EPG5: variants seen among roughly 807,000 people sequenced by gnomAD.
The protein encoded by EPG5 is ectopic P granules protein 5 homolog.
EPG5 carries 159 observed loss-of-function variants against 302.7 expected under a neutral mutation model. The observed-to-expected ratio is 0.53, with a 90% CI of 0.46 to 0.60. The LOEUF is 0.60. Among genes scored for constraint, EPG5 ranks in the 20% least tolerant of loss-of-function variants. The pLI, the probability that EPG5 is intolerant of heterozygous loss-of-function variation, is 0.00. For missense variants in EPG5, 2,896 were observed against 3,092.4 expected (o/e 0.94, Z 1.51); for synonymous variants, 1,158 against 1,136.8 (o/e 1.02, Z -0.37).
intron 8 of EPG5, 130 bp downstream of exon 8, chr18:45,943,875 C>G (rs1276065287): frequency 3.4e-6 from 2 of 594,038 alleles, no homozygotes; most frequent in African/African-American, 1.9e-5. Flanking sequence ...GAGCCGAGAT[C>G]GCGCCACTGC....
At chr18:45,876,440 C>T (rs1452587151) in intron 34 of EPG5, 98 bp from the exon 35 acceptor site, 1 of 877,478 alleles carries the variant, frequency 1.1e-6, no homozygotes, top group Non-Finnish European at 1.9e-6. Flanking sequence ...GAAGCCTGTC[C>T]ATTATGTAGG....
chr18:45,943,510 G>A lies in EPG5; in HGVS notation c.1793-199C>T, dbSNP rs1446685029. ...GCCAAATTAAAAACAATTTATTTAA[G>A]TTGGGAATGTGCAAGCTAGCTAGCT... On this transcript the variant is annotated intron_variant, in intron 8 of 43. Coordinates refer to ENST00000282041, the MANE Select transcript of EPG5 (RefSeq NM_020964.3). 1.3e-5 allele frequency among the ~76,000 whole-genome samples: 2 copies of A among 152,142 alleles called. 1 individual carries two copies. The highest frequency in any genetic ancestry group is 4.1e-4 in the South Asian group (2 of 4,830).
intron 33 of EPG5, 128 bp from the exon 34 acceptor site, chr18:45,878,576 C>A (rs2049021514): frequency 3.1e-6 from 2 of 636,306 alleles, no homozygotes. Context: ...GTATAAACAA[C>A]ATGCTTAGTG....
chr18:45,877,412 C>T (rs2048997084), intron 34 of EPG5, among the ~76,000 whole-genome samples: 2 of 152,012 alleles, frequency 1.3e-5, no homozygotes, highest in Admixed American at 1.3e-4. Flanking sequence ...GAGTGAGACT[C>T]TGTCTTAAAA....
At chr18:45,842,005 C>T in the EPG5 span, 1 of 1,101,610 alleles carries the variant, frequency 9.1e-7, no homozygotes, top group Non-Finnish European at 1.4e-6. Context: ...GCACTGCTCC[C>T]CAGAATGTCT....
the EPG5 span, among the ~76,000 whole-genome samples, chr18:45,827,080 A>C: frequency 3.3e-5 from 5 of 152,098 alleles, no homozygotes; most frequent in African/African-American, 1.2e-4. Context: ...ACGCCCAGCT[A>C]ATTTTTTAAA....
chr18:45,903,240 C>A (rs1195975584), intron 25 of EPG5, among the ~76,000 whole-genome samples: 1 of 151,782 alleles, frequency 6.6e-6, no homozygotes, highest in Admixed American at 6.6e-5. Flanking sequence ...TAATATATAT[C>A]TTTTATAATC....
rs1472685054 is a variant in EPG5, at chr18:45,889,806, G to A, written c.4944C>T (p.Asn1648=). The change falls in exon 28 of 44, where the codon AAC becomes AAT. Residue 1648 remains asparagine, a synonymous_variant. Coordinates refer to ENST00000282041, the MANE Select transcript of EPG5 (RefSeq NM_020964.3). ...ATGCCTGCAAAACTTACGTGATCAAGTTTTCTGCATGTACAGCAGCTTCCA... is the reference window on the plus strand; with the variant it reads ...ATGCCTGCAAAACTTACGTGATCAAATTTTCTGCATGTACAGCAGCTTCCA... The part of the protein sequence containing the change: ...NIVEAAVHAE[N]LITALVNAYK... 6.3e-7 allele frequency: 1 copy of A among 1,599,370 alleles called. No homozygotes were observed. The highest frequency in any genetic ancestry group is 1.3e-5 in the African/African-American group (1 of 74,324).
chr18:45,897,843 T>C (rs553030983), intron 27 of EPG5, among the ~76,000 whole-genome samples: 26 of 152,242 alleles, frequency 1.7e-4, no homozygotes, highest in Middle Eastern at 3.4e-3. Flanking sequence ...GATGGAGACA[T>C]TGGAATAGTT....
intron 27 of EPG5, among the ~76,000 whole-genome samples, chr18:45,891,739 A>G (rs776021270): frequency 6.6e-6 from 1 of 152,236 alleles, no homozygotes; most frequent in Non-Finnish European, 1.5e-5. Context: ...ATTCTAGAAC[A>G]TATAATGTTA....
At chr18:45,842,423 CTG>C in the EPG5 span, 25,397 of 430,016 alleles carry the variant, frequency 0.059, 608 homozygotes, top group African/African-American at 0.16. Context: ...GTGCATACGT[CTG>C]TGTGTGTGTG....
At chr18:45,803,507 G>T in the EPG5 span, among the ~76,000 whole-genome samples, 1 of 152,154 alleles carries the variant, frequency 6.6e-6, no homozygotes, top group Non-Finnish European at 1.5e-5. Flanking sequence ...GTCCTGAGGG[G>T]CAGCTAAAAC....
At chr18:45,953,280 A>G (rs1311063897) in intron 2 of EPG5, 2 of 984,302 alleles carry the variant, frequency 2.0e-6, no homozygotes, top group African/African-American at 3.5e-5. Context: ...TATGAAGCCA[A>G]TGTGATATCT....
the EPG5 span, among the ~76,000 whole-genome samples, chr18:45,820,755 T>C: frequency 6.6e-6 from 1 of 152,152 alleles, no homozygotes; most frequent in East Asian, 1.9e-4. Context: ...AACCCTTCCT[T>C]ACCTTTTCCC....
the EPG5 span, chr18:45,837,084 G>C: frequency 6.2e-7 from 1 of 1,612,116 alleles, no homozygotes; most frequent in South Asian, 1.1e-5. Flanking sequence ...ACACAGAGGT[G>C]CACAGTAAGT....
At chr18:45,886,794 G>A (rs2049227919) in intron 29 of EPG5, among the ~76,000 whole-genome samples, 1 of 152,070 alleles carries the variant, frequency 6.6e-6, no homozygotes, top group Non-Finnish European at 1.5e-5. Flanking sequence ...AAGTAGCTGG[G>A]ATTATAGGCA....
the EPG5 span, chr18:45,837,718 G>T: frequency 6.7e-7 from 1 of 1,493,930 alleles, no homozygotes; most frequent in Non-Finnish European, 8.8e-7. Flanking sequence ...TCTGCCAGAC[G>T]GCGCTGAGCC....
chr18:45,821,268 T>C, the EPG5 span, among the ~76,000 whole-genome samples: 2 of 152,218 alleles, frequency 1.3e-5, no homozygotes, highest in Non-Finnish European at 2.9e-5. Flanking sequence ...GAGAAATCCA[T>C]GCATGCACTA....
intron 14 of EPG5, among the ~76,000 whole-genome samples, chr18:45,923,741 T>C (rs1358302800): frequency 2.0e-5 from 3 of 152,214 alleles, no homozygotes; most frequent in Admixed American, 2.0e-4. Context: ...AAATATTTAA[T>C]GAACTGTCTA....
Sources: gnomAD v4.1 joint callset for allele counts (sites outside exome capture counted in the v4.1 genomes callset) on GRCh38, gnomAD v4.1.1 for gene constraint, MANE v1.5 for transcripts, NCBI Gene and HGNC (gene_info 2026-07-23, HGNC 2026-07-21) for gene names.